PLEKHM2: variants seen among roughly 807,000 people sequenced by gnomAD.
PLEKHM2 encodes pleckstrin homology and RUN domain containing M2.
PLEKHM2 carries 77 observed loss-of-function variants against 116.3 expected under a neutral mutation model. The ratio of observed to expected loss-of-function variants is 0.66; its 90% CI spans 0.55 to 0.80. The LOEUF is 0.80. Ranked by LOEUF, PLEKHM2 falls within the 30% of genes least tolerant of loss-of-function variation. PLEKHM2 has a pLI of 0.00. For synonymous variants in PLEKHM2, 562 were observed against 571.0 expected, an observed-to-expected ratio of 0.98 and a Z score of 0.22; for missense variants, 1,183 against 1,354.9, an observed-to-expected ratio of 0.87 and a Z score of 1.99.
intron 16 of PLEKHM2, among the ~76,000 whole-genome samples, chr1:15,731,551 G>A (rs1176559691): frequency 6.6e-6 from 1 of 152,180 alleles, no homozygotes; most frequent in Non-Finnish European, 1.5e-5. Context: ...GTATTTGGGA[G>A]GAACAGCAGG....
chr1:15,693,146 T>C (rs1640922291), intron 1 of PLEKHM2, among the ~76,000 whole-genome samples: 1 of 151,916 alleles, frequency 6.6e-6, no homozygotes, highest in Admixed American at 6.6e-5. Context: ...GTTCAAGAGA[T>C]TCTCCTGCCT....
intron 1 of PLEKHM2, among the ~76,000 whole-genome samples, chr1:15,686,771 C>A (rs1256762695): frequency 6.6e-6 from 1 of 151,950 alleles, no homozygotes; most frequent in Non-Finnish European, 1.5e-5. Context: ...GCCTCAGCCT[C>A]CCAAGTAGCT....
intron 1 of PLEKHM2, among the ~76,000 whole-genome samples, chr1:15,713,248 G>C (rs759509330): frequency 6.6e-6 from 1 of 152,052 alleles, no homozygotes; most frequent in Admixed American, 6.6e-5. Context: ...GCCACCACTC[G>C]TGGCATTCCT....
chr1:15,713,420 A>G (rs1641375289), intron 1 of PLEKHM2, among the ~76,000 whole-genome samples: 2 of 152,122 alleles, frequency 1.3e-5, no homozygotes, highest in Admixed American at 1.3e-4. Context: ...TTCCATTTTT[A>G]CAATGAACAA....
intron 1 of PLEKHM2, among the ~76,000 whole-genome samples, chr1:15,711,445 ATC>A (rs1318324862): frequency 6.6e-6 from 1 of 151,864 alleles, no homozygotes; most frequent in Middle Eastern, 3.2e-3. Flanking sequence ...GCAAAGCCCC[ATC>A]TCTACTAAAA....
chr1:15,724,860 A>C (rs528795516), intron 7 of PLEKHM2, among the ~76,000 whole-genome samples: 1 of 152,014 alleles, frequency 6.6e-6, no homozygotes, highest in Non-Finnish European at 1.5e-5. Context: ...CAGCCCTACA[A>C]GTGGGGTATG....
In PLEKHM2 at chr1:15,727,144, C is replaced by G. The variant is rs750084635; in HGVS notation, c.1072C>G (p.Pro358Ala). Residue 358 changes from proline to alanine, a missense_variant, in exon 9 of 20, where the codon CCA (proline) becomes GCA (alanine). Pro to Ala is a conservative substitution (Grantham distance 27). Around this residue, in one of 3 missense-constraint regions of PLEKHM2, gnomAD observed 372 missense variants for 357.2 expected, o/e 1.04. Coordinates refer to ENST00000375799, the MANE Select transcript of PLEKHM2 (RefSeq NM_015164.4). The surrounding 1 kb of genome is among the most constrained non-coding windows in gnomAD (Gnocchi z 7.5). ...GGACGGTGACAGCCGCAACGGCAGC[C>G]CAAGCCTTGGGCGGGACTCGCCAGA... ...QGDGDSRNGS[P>A]SLGRDSPDTM... 3.8e-6 allele frequency: 6 copies of G among 1,596,602 alleles called. No homozygotes were observed. The highest frequency in any genetic ancestry group is 3.4e-5 in the South Asian group (3 of 88,872).
At chr1:15,706,339 TC>T (rs538749907) in intron 1 of PLEKHM2, among the ~76,000 whole-genome samples, 23 of 152,150 alleles carry the variant, frequency 1.5e-4, no homozygotes, top group African/African-American at 5.3e-4. Context: ...CGGAATACTT[TC>T]CCCCCGGATG....
At chr1:15,684,642 C>G (rs1383139673) in intron 1 of PLEKHM2, 24 bp downstream of exon 1, 12 of 1,241,814 alleles carry the variant, frequency 9.7e-6, no homozygotes, top group Non-Finnish European at 1.2e-5. Flanking sequence ...CCCTCCCGGC[C>G]GGGGCCCCTT....
intron 7 of PLEKHM2, among the ~76,000 whole-genome samples, chr1:15,724,419 G>A (rs984270393): frequency 3.9e-5 from 6 of 152,042 alleles, no homozygotes; most frequent in Non-Finnish European, 7.4e-5. Flanking sequence ...GGAGTTGGAG[G>A]TTGTAGTGAG....
Position 15,707,476 on chromosome 1 carries a change from G to A in PLEKHM2, c.61-8761G>A, listed in dbSNP as rs917008398. On this transcript the variant is annotated intron_variant, in intron 1 of 19. Transcript: ENST00000375799. ...GCACAAAAGCAGCCACAGGTGACAC[G>A]TGAGCCGATGGGAGTGGCTGTGTTC... Among the ~76,000 whole-genome samples, 5 of 152,148 alleles carry A rather than the reference G, an allele frequency of 3.3e-5. No individual in the cohort carries two copies. In the East Asian group the frequency reaches 5.8e-4, roughly 18 times the overall value.
rs371623525 is a variant in PLEKHM2, at chr1:15,731,927, C to T, written c.2504C>T (p.Thr835Met). ...QCGGCRRANT[T>M]DRPHAFQVIL... ...GGTGGCTGCCGGAGAGCCAACACCA[C>T]GGATCGGCCCCACGCCTTCCAGGTC... Residue 835 changes from threonine (T) to methionine (M), a missense_variant, in exon 17 of 20, where the codon ACG becomes ATG. Thr to Met is a moderately conservative substitution (Grantham distance 81). Transcript: ENST00000375799. 1.4e-5 allele frequency: 22 copies of T among 1,611,276 alleles called. No homozygotes were observed. Among genetic ancestry groups the T allele is most frequent in the East Asian group, 6.7e-5 (3 of 44,850 alleles).
chr1:15,730,745 GCCTGGGGCTTGGGC>G, intron 15 of PLEKHM2, 23 bp downstream of exon 15: 1 of 1,571,034 alleles, frequency 6.4e-7, no homozygotes, highest in Non-Finnish European at 8.6e-7. Flanking sequence ...GCAGCTCTAG[GCCTGGGGCTTGGGC>G]CCTGGGGTGG....
chr1:15,709,093 T>G (rs1332196835), intron 1 of PLEKHM2, among the ~76,000 whole-genome samples: 2 of 152,118 alleles, frequency 1.3e-5, no homozygotes, highest in African/African-American at 4.8e-5. Context: ...CAAACCAAGT[T>G]GTCCGACTCC....
intron 1 of PLEKHM2, among the ~76,000 whole-genome samples, chr1:15,685,159 G>C (rs1446213147): frequency 6.6e-6 from 1 of 152,242 alleles, no homozygotes; most frequent in East Asian, 1.9e-4. Flanking sequence ...TAGGGGCTTT[G>C]ATTATAAGAA....
intron 1 of PLEKHM2, among the ~76,000 whole-genome samples, chr1:15,691,096 G>T (rs1251399631): frequency 6.6e-6 from 1 of 152,150 alleles, no homozygotes. Context: ...TTGAGACAGG[G>T]TTTCACTCTG....
Position 15,728,014 on chromosome 1 carries a change from G to A in PLEKHM2, c.1761-65G>A, listed in dbSNP as rs2068088949. 5 of 1,380,486 alleles carry A rather than the reference G, an allele frequency of 3.6e-6. No homozygotes were observed. Among genetic ancestry groups the A allele is most frequent in the Non-Finnish European group, 5.1e-6 (5 of 985,844 alleles). 85.5% of individuals were successfully genotyped at this position (1,380,486 alleles called of 1,614,324 possible). Reference sequence around the variant, plus strand: ...GGAGGCACTACCCCCTGGCTCTGGGGTGGGGTGTGGCCTCTCTCACCGCTG... The same window carrying A: ...GGAGGCACTACCCCCTGGCTCTGGGATGGGGTGTGGCCTCTCTCACCGCTG... On this transcript the variant is annotated intron_variant, in intron 9 of 19. Coordinates refer to ENST00000375799, the MANE Select transcript of PLEKHM2 (RefSeq NM_015164.4). This position sits in a 1 kb window ranked among gnomAD's most constrained non-coding sequence, Gnocchi z 5.9.
At chr1:15,688,346 G>T (rs1347038620) in intron 1 of PLEKHM2, among the ~76,000 whole-genome samples, 1 of 152,112 alleles carries the variant, frequency 6.6e-6, no homozygotes, top group East Asian at 1.9e-4. Context: ...TAATTAACAT[G>T]ATTAAATGAA....
chr1:15,720,607 C>A, intron 6 of PLEKHM2: 2 of 357,962 alleles, frequency 5.6e-6, no homozygotes, highest in Non-Finnish European at 7.8e-6. Context: ...TGTAGGAGAC[C>A]AGAGCCCTTC....
Sources: allele counts gnomAD v4.1 joint callset (sites outside exome capture counted in the v4.1 genomes callset), GRCh38; gene constraint gnomAD v4.1.1; regional missense constraint gnomAD v4.1.1; non-coding constraint Gnocchi (gnomAD v3.1); transcripts MANE v1.5; gene names NCBI Gene and HGNC (gene_info 2026-07-23, HGNC 2026-07-21).